The following GAS7 variants were observed in gnomAD, a reference collection of about 807,000 sequenced individuals.
The protein encoded by GAS7 is growth arrest specific 7, also known as growth arrest-specific protein 7.
A neutral mutation model predicts 71.1 loss-of-function variants in GAS7; 28 were observed. The ratio of observed to expected loss-of-function variants is 0.39; its 90% CI spans 0.29 to 0.54. The LOEUF (loss-of-function observed/expected upper bound fraction) is 0.54. Ranked by LOEUF, GAS7 falls within the 20% of genes least tolerant of loss-of-function variation. The pLI, the probability that GAS7 is intolerant of heterozygous loss-of-function variation, is 0.62. For missense variants in GAS7, 436 were observed against 627.8 expected, an observed-to-expected ratio of 0.69 and a Z score of 3.27; for synonymous variants, 258 against 245.8, an observed-to-expected ratio of 1.05 and a Z score of -0.46.
rs375744098 is a variant in GAS7, at chr17:9,929,042, C to T, written c.886-2273G>A. Among the ~76,000 whole-genome samples the T allele has an allele frequency of 7.4e-4, 113 of 152,300 alleles. 1 individual carries two copies. Among genetic ancestry groups the T allele is most frequent in the African/African-American group, 2.7e-3 (111 of 41,558 alleles). ...TTCCCTGTATAGGAAAACATCCCCA[C>T]CTGGCGGCAGTTTGCAGGATGCTAC... is the stretch of plus-strand genomic sequence containing the variant. On this transcript the variant is annotated intron_variant, in intron 9 of 13. Coordinates refer to ENST00000432992, the MANE Select transcript of GAS7 (RefSeq NM_201433.2).
chr17:10,112,951 T>C (rs1028624261), intron 1 of GAS7, among the ~76,000 whole-genome samples: 5 of 152,094 alleles, frequency 3.3e-5, no homozygotes, highest in Admixed American at 2.0e-4. Context: ...AAGATCTATA[T>C]GTAAAACAAC....
intron 4 of GAS7, among the ~76,000 whole-genome samples, chr17:9,960,955 C>T (rs2069466089): frequency 6.6e-6 from 1 of 152,148 alleles, no homozygotes; most frequent in African/African-American, 2.4e-5. Flanking sequence ...ATCACTGGTC[C>T]TCAAGCTTTG....
In GAS7 at chr17:9,969,695, T is replaced by C. The variant is rs1183045985; in HGVS notation, c.453A>G (p.Lys151=). The change falls in exon 4 of 14, where the codon AAA becomes AAG. Residue 151 remains lysine (K), a synonymous_variant. Transcript: ENST00000432992. This position sits in a 1 kb window ranked among gnomAD's most constrained non-coding sequence, Gnocchi z 5.5. ...PPETAHMSVR[K]STGDSQNLGS... is the part of the protein sequence containing the mutation. ...CCCTTACCTGGGAATCACCGGTGGA[T>C]TTTCGGACACTCATGTGGGCAGTCT... 1 of 1,609,390 alleles carries C rather than the reference T, an allele frequency of 6.2e-7. No homozygotes were observed. The highest frequency in any genetic ancestry group is 8.5e-7 in the Non-Finnish European group (1 of 1,175,808).
intron 9 of GAS7, among the ~76,000 whole-genome samples, chr17:9,928,364 C>T (rs1368806295): frequency 2.6e-5 from 4 of 151,808 alleles, no homozygotes; most frequent in African/African-American, 7.3e-5. Context: ...CCTCGTGATC[C>T]GCCCGCCTCG....
intron 1 of GAS7, among the ~76,000 whole-genome samples, chr17:10,130,983 CA>C (rs1318456360): frequency 2.0e-5 from 3 of 152,234 alleles, no homozygotes; most frequent in Non-Finnish European, 4.4e-5. Flanking sequence ...ATACACTTTA[CA>C]GGGGTGAATT....
At chr17:10,140,716 G>A (rs560553510) in intron 1 of GAS7, among the ~76,000 whole-genome samples, 5 of 152,272 alleles carry the variant, frequency 3.3e-5, no homozygotes, top group Admixed American at 2.6e-4. Context: ...CTCACTGTAA[G>A]TCCACAGAAT....
intron 1 of GAS7, among the ~76,000 whole-genome samples, chr17:10,102,750 T>TG (rs2073716320): frequency 7.5e-6 from 1 of 133,326 alleles, no homozygotes; most frequent in Non-Finnish European, 1.7e-5. Context: ...ACCCAGGCCC[T>TG]GTTTTTTTTT....
chr17:10,105,646 G>A (rs1450822058), intron 1 of GAS7, among the ~76,000 whole-genome samples: 24 of 152,124 alleles, frequency 1.6e-4, no homozygotes, highest in Admixed American at 2.0e-4. Context: ...CAGTTTAAGC[G>A]TCACCGCTCC....
Position 10,169,276 on chromosome 17 carries a change from A to T in GAS7, c.183+28932T>A, listed in dbSNP as rs912031135. 3.3e-5 allele frequency among the ~76,000 whole-genome samples: 5 copies of T among 152,256 alleles called. No individual in the cohort carries two copies. The East Asian group carries it at 5.8e-4, about 18-fold the overall frequency. ...AGCAAGACTTCGACTCAAAAAAAAA[A>T]ATTAATTAATAATTTTAAAAGTTCA... On this transcript the variant is annotated intron_variant, in intron 1 of 13. Coordinates refer to ENST00000432992, the MANE Select transcript of GAS7 (RefSeq NM_201433.2).
intron 1 of GAS7, among the ~76,000 whole-genome samples, chr17:10,097,234 C>G (rs1288558321): frequency 6.6e-6 from 1 of 152,230 alleles, no homozygotes; most frequent in African/African-American, 2.4e-5. Context: ...AAACTCGGCT[C>G]TTCCAACAAG....
intron 1 of GAS7, among the ~76,000 whole-genome samples, chr17:10,156,153 C>T (rs934775713): frequency 2.0e-5 from 3 of 152,244 alleles, no homozygotes; most frequent in African/African-American, 7.2e-5. Context: ...CTCTTTCCAT[C>T]ACTTTTTTGG....
chr17:10,164,063 A>C lies in GAS7; in HGVS notation c.183+34145T>G, dbSNP rs1341095995. Reference sequence around the variant, plus strand: ...GACTGCCCCTTACAGTCACCTGGGGAGCTTCACCTGGTCTGACGTCATCAG... The same window carrying C: ...GACTGCCCCTTACAGTCACCTGGGGCGCTTCACCTGGTCTGACGTCATCAG... On this transcript the variant is annotated intron_variant, in intron 1 of 13. Coordinates refer to ENST00000432992, the MANE Select transcript of GAS7 (RefSeq NM_201433.2). 2.6e-5 allele frequency among the ~76,000 whole-genome samples: 4 copies of C among 151,972 alleles called. No individual in the cohort carries two copies. The East Asian group carries it at 7.7e-4, about 29-fold the overall frequency.
chr17:9,924,004 T>G (rs891049505), intron 11 of GAS7, among the ~76,000 whole-genome samples: 4 of 152,200 alleles, frequency 2.6e-5, no homozygotes, highest in African/African-American at 9.7e-5. Flanking sequence ...AAGAGGTATT[T>G]CCAAGATATA....
chr17:9,994,983 C>T (rs2070982631), intron 2 of GAS7, among the ~76,000 whole-genome samples: 1 of 152,236 alleles, frequency 6.6e-6, no homozygotes, highest in Admixed American at 6.5e-5. Context: ...GCTATTCTCA[C>T]CGTGACGTGG....
intron 1 of GAS7, among the ~76,000 whole-genome samples, chr17:10,031,898 A>T (rs1222090288): frequency 1.3e-5 from 2 of 152,158 alleles, no homozygotes; most frequent in Non-Finnish European, 2.9e-5. Context: ...GTGCCACCAA[A>T]TATCAGAGTC....
intron 5 of GAS7, among the ~76,000 whole-genome samples, chr17:9,951,975 C>T (rs992974828): frequency 1.8e-4 from 27 of 152,092 alleles, no homozygotes; most frequent in Non-Finnish European, 3.7e-4. Flanking sequence ...GAAGAGGAGA[C>T]GGTACCAAGG....
At chr17:10,019,509 T>C (rs1026719732) in intron 2 of GAS7, among the ~76,000 whole-genome samples, 4 of 152,060 alleles carry the variant, frequency 2.6e-5, no homozygotes, top group African/African-American at 4.8e-5. Context: ...TTAACACAGA[T>C]ACCCAGGGTG....
intron 2 of GAS7, among the ~76,000 whole-genome samples, chr17:9,988,092 C>T (rs555899068): frequency 3.3e-5 from 5 of 152,356 alleles, no homozygotes; most frequent in Admixed American, 3.3e-4. Flanking sequence ...CTGCAGTCTT[C>T]TCCTCTTTGC....
intron 1 of GAS7, among the ~76,000 whole-genome samples, chr17:10,150,591 C>CTTTTTTTTT (rs3051271): frequency 0.07 from 8,277 of 118,676 alleles, 624 homozygotes; most frequent in Admixed American, 0.085. Flanking sequence ...TGTTACATTT[C>CTTTTTTTTT]TTTTTTTTTT....
Sources: gnomAD v4.1 joint callset for allele counts (sites outside exome capture counted in the v4.1 genomes callset) on GRCh38, gnomAD v4.1.1 for gene constraint, Gnocchi (gnomAD v3.1) non-coding constraint, MANE v1.5 for transcripts, NCBI Gene and HGNC (gene_info 2026-07-23, HGNC 2026-07-21) for gene names.